SMYD3: variants seen among roughly 807,000 people sequenced by gnomAD.
The protein encoded by SMYD3 is SET and MYND domain containing 3.
SMYD3 carries 36 observed loss-of-function variants against 57.7 expected under a neutral mutation model. That is an observed-to-expected ratio of 0.62 (90% CI 0.48 to 0.82). The LOEUF (loss-of-function observed/expected upper bound fraction) is 0.82, where lower values mean the gene tolerates loss of function less well. Among genes scored for constraint, SMYD3 ranks in the 40% least tolerant of loss-of-function variants. The probability of loss-of-function intolerance (pLI) is 0.00; values close to 1 mark genes in which losing one functional copy is unlikely to be tolerated. For synonymous variants in SMYD3, 211 were observed against 195.0 expected (o/e 1.08, Z -0.68); for missense variants, 515 against 538.8 (o/e 0.96, Z 0.44).
intron 10 of SMYD3, among the ~76,000 whole-genome samples, chr1:245,840,759 AAAAC>A (rs2050359743): frequency 6.6e-6 from 1 of 152,298 alleles, no homozygotes; most frequent in Non-Finnish European, 1.5e-5. Flanking sequence ...TTAAAAAAAA[AAAAC>A]AAAGTTGCAG....
intron 8 of SMYD3, among the ~76,000 whole-genome samples, chr1:245,877,151 G>A (rs1477417595): frequency 7.2e-5 from 11 of 152,166 alleles, no homozygotes; most frequent in African/African-American, 2.7e-4. Flanking sequence ...CTGCGGAGAC[G>A]GGGCAGCTCC....
chr1:246,401,065 A>G (rs79588846), intron 1 of SMYD3, among the ~76,000 whole-genome samples: 9,933 of 152,288 alleles, frequency 0.065, 634 homozygotes, highest in East Asian at 0.32. Context: ...ACATCATCAC[A>G]GTATCTTAAG....
intron 1 of SMYD3, among the ~76,000 whole-genome samples, chr1:246,437,503 G>A (rs1377318710): frequency 6.6e-6 from 1 of 152,114 alleles, no homozygotes; most frequent in African/African-American, 2.4e-5. Context: ...TATAACCTCA[G>A]CAATCTGATG....
Position 246,448,703 on chromosome 1 carries a change from T to A in SMYD3, c.164+58351A>T, listed in dbSNP as rs10924732. Among the ~76,000 whole-genome samples the A allele has an allele frequency of 4.2e-3, 392 of 92,878 alleles. 3 individuals carry two copies. The highest frequency in any genetic ancestry group is 0.018 in the African/African-American group (327 of 18,666). The allele number at this position is 92,878 out of a possible 152,430, so 60.9% of individuals were successfully genotyped here. On this transcript the variant is annotated intron_variant, in intron 1 of 11. Transcript: ENST00000490107. ...CACAGCAAGATCTCATCTCTTTTTT[T>A]TAAAAAAAAAAAAAAAAAAAAAAAA...
chr1:246,471,210 AT>A (rs1249790014), intron 1 of SMYD3, among the ~76,000 whole-genome samples: 2 of 151,926 alleles, frequency 1.3e-5, no homozygotes, highest in South Asian at 2.1e-4. Flanking sequence ...ATTTTTATTT[AT>A]TTTTTTAGAG....
chr1:245,759,249 T>C (rs1474234599), intron 11 of SMYD3, among the ~76,000 whole-genome samples: 1 of 151,318 alleles, frequency 6.6e-6, no homozygotes, highest in Admixed American at 6.6e-5. Context: ...TCCAAACAAC[T>C]CTTTGAAGGT....
In SMYD3 at chr1:246,480,338, C is replaced by T. The variant is rs2068084621; in HGVS notation, c.164+26716G>A. ...AAAGAGAAGTCGGGCTCCTGAGACTCCATGTGTGAGTTTCTGTCACACGTA... is the reference window on the plus strand; with the variant it reads ...AAAGAGAAGTCGGGCTCCTGAGACTTCATGTGTGAGTTTCTGTCACACGTA... On this transcript the variant is annotated intron_variant, in intron 1 of 11. Coordinates refer to ENST00000490107, the MANE Select transcript of SMYD3 (RefSeq NM_001167740.2). Among the ~76,000 whole-genome samples the T allele has an allele frequency of 2.0e-5, 3 of 152,252 alleles. No individual in the cohort carries two copies. The South Asian group carries it at 6.2e-4, about 32-fold the overall frequency.
chr1:245,897,376 AT>A (rs1351422119), intron 8 of SMYD3, among the ~76,000 whole-genome samples: 1 of 152,206 alleles, frequency 6.6e-6, no homozygotes, highest in East Asian at 1.9e-4. Flanking sequence ...GAGTACTTTA[AT>A]TTTTCAAACT....
chr1:246,458,609 G>A (rs1248861987), intron 1 of SMYD3, among the ~76,000 whole-genome samples: 1 of 132,562 alleles, frequency 7.5e-6, no homozygotes. Flanking sequence ...ACCGCGCCTG[G>A]CTGATTTTTT....
At chr1:246,007,223 C>G (rs1170987993) in intron 5 of SMYD3, among the ~76,000 whole-genome samples, 1 of 152,192 alleles carries the variant, frequency 6.6e-6, no homozygotes, top group Non-Finnish European at 1.5e-5. Context: ...CCGTAGAAAG[C>G]AAGACTCTGA....
At chr1:245,821,359 C>T (rs1485238606) in intron 10 of SMYD3, among the ~76,000 whole-genome samples, 2 of 134,516 alleles carry the variant, frequency 1.5e-5, no homozygotes, top group South Asian at 2.7e-4. Flanking sequence ...AAAGCTGAAA[C>T]TGGATCCCTT....
At chr1:246,392,646 C>T (rs1425949547) in intron 1 of SMYD3, among the ~76,000 whole-genome samples, 1 of 152,010 alleles carries the variant, frequency 6.6e-6, no homozygotes, top group Non-Finnish European at 1.5e-5. Flanking sequence ...TGTGGTCTCA[C>T]TCTGTTGCCC....
intron 5 of SMYD3, among the ~76,000 whole-genome samples, chr1:246,038,813 TTG>T (rs1357270254): frequency 6.6e-6 from 1 of 152,194 alleles, no homozygotes; most frequent in East Asian, 1.9e-4. Context: ...TAGCCTTAGT[TTG>T]TAATGAATTT....
In SMYD3 at chr1:246,261,047, TGTTG is replaced by T. The variant is rs758176690; in HGVS notation, c.531+66150_531+66153del. 0.038 allele frequency among the ~76,000 whole-genome samples: 4,519 copies of T among 118,702 alleles called. 302 individuals are homozygous for T. The East Asian group carries it at 0.41, about 11-fold the overall frequency. The allele number at this position is 118,702 out of a possible 152,430, so 77.9% of individuals were successfully genotyped here. ...GAAGTCATCTCTTTCTGGGTTTTGT[TGTTG>T]TTGTTGTTGTTGTTGTTGTTTATTT... On this transcript the variant is annotated intron_variant, in intron 5 of 11. Coordinates refer to ENST00000490107, the MANE Select transcript of SMYD3 (RefSeq NM_001167740.2).
At chr1:246,035,732 C>T (rs1362869618) in intron 5 of SMYD3, 2 of 152,258 alleles carry the variant, frequency 1.3e-5, no homozygotes, top group East Asian at 3.9e-4. Flanking sequence ...AACATGCGCT[C>T]ATCCATATTC....
chr1:246,452,238 G>A (rs889561400), intron 1 of SMYD3, among the ~76,000 whole-genome samples: 1 of 152,152 alleles, frequency 6.6e-6, no homozygotes, highest in Non-Finnish European at 1.5e-5. Context: ...AGGGGCGGTG[G>A]CTCACACCTG....
chr1:246,060,582 A>ATTTTTTTTTTT (rs1558191811), intron 5 of SMYD3, among the ~76,000 whole-genome samples: 2 of 152,180 alleles, frequency 1.3e-5, no homozygotes, highest in Admixed American at 1.3e-4. Flanking sequence ...CATTTTAATA[A>ATTTTTTTTTTT]ATTTTTATGA....
At chr1:246,344,389 T>G (rs556325164) in intron 2 of SMYD3, among the ~76,000 whole-genome samples, 2 of 152,344 alleles carry the variant, frequency 1.3e-5, no homozygotes, top group Non-Finnish European at 2.9e-5. Context: ...ATTCCCTCAG[T>G]ACAGTGTTTT....
In SMYD3 at chr1:246,203,343, T is replaced by C. The variant is rs893719034; in HGVS notation, c.531+123858A>G. On this transcript the variant is annotated intron_variant, in intron 5 of 11. Coordinates refer to ENST00000490107, the MANE Select transcript of SMYD3 (RefSeq NM_001167740.2). The surrounding 1 kb of genome is among the most constrained non-coding windows in gnomAD (Gnocchi z 4.6). ...ACCATCAGACACAATCTCTGCTCCA[T>C]CAATTCTCTCCCGCTTCTGGACGCC... Among the ~76,000 whole-genome samples the C allele has an allele frequency of 6.6e-6, 1 of 152,158 alleles. No individual in the cohort carries two copies. Among genetic ancestry groups the C allele is most frequent in the African/African-American group, 2.4e-5 (1 of 41,438 alleles).
Sources: gnomAD v4.1 joint callset for allele counts (sites outside exome capture counted in the v4.1 genomes callset) on GRCh38, gnomAD v4.1.1 for gene constraint, Gnocchi (gnomAD v3.1) non-coding constraint, MANE v1.5 for transcripts, NCBI Gene and HGNC (gene_info 2026-07-23, HGNC 2026-07-21) for gene names.